PFKFB3: variants seen among roughly 807,000 people sequenced by gnomAD.
PFKFB3 encodes the protein 6-phosphofructo-2-kinase/fructose-2,6-bisphosphatase 3.
A neutral mutation model predicts 68.0 loss-of-function variants in PFKFB3; 33 were observed. The observed-to-expected ratio is 0.49, with a 90% CI of 0.37 to 0.65. PFKFB3 has a LOEUF of 0.65. Ranked by LOEUF, PFKFB3 falls within the 30% of genes least tolerant of loss-of-function variation. The probability of loss-of-function intolerance (pLI) is 0.00; values close to 1 mark genes in which losing one functional copy is unlikely to be tolerated. For missense variants in PFKFB3, 586 were observed against 712.2 expected, an observed-to-expected ratio of 0.82 and a Z score of 2.02; for synonymous variants, 315 against 288.2, an observed-to-expected ratio of 1.09 and a Z score of -0.94.
intron 14 of PFKFB3, among the ~76,000 whole-genome samples, 190 bp from the exon 15 acceptor site, chr10:6,232,705 G>A (rs942669187): frequency 7.5e-5 from 11 of 147,426 alleles, no homozygotes; most frequent in South Asian, 2.5e-4. Context: ...GTTATCTTGC[G>A]TCATGTTCTG....
At chr10:6,259,014 G>A (rs1377550469), downstream of PFKFB3, among the ~76,000 whole-genome samples, 3 of 152,102 alleles carry the variant, frequency 2.0e-5, no homozygotes, top group African/African-American at 7.2e-5. Context: ...ACACCCTTGG[G>A]GTTGCAAGAT....
intron 1 of PFKFB3, among the ~76,000 whole-genome samples, chr10:6,149,458 G>T (rs1432748365): frequency 1.3e-5 from 2 of 151,320 alleles, no homozygotes; most frequent in Non-Finnish European, 2.9e-5. Context: ...GTGGGGGTGG[G>T]CGCCTGTAAT....
rs561438062 is a variant in PFKFB3, at chr10:6,193,357, A to C, written c.17-20266A>C. On this transcript the variant is annotated intron_variant, in intron 1 of 14. Transcript: ENST00000379789. The stretch of plus-strand genomic sequence containing the variant: ...GCAACAGAGCCAGACCCTGTCTCAA[A>C]AAAACAAAACAAAACAAAACAAAAA... 2.4e-4 allele frequency among the ~76,000 whole-genome samples: 37 copies of C among 152,372 alleles called. No individual in the cohort carries two copies. The South Asian group carries it at 6.8e-3, about 28-fold the overall frequency.
At chr10:6,284,220 G>A in the PFKFB3 span, among the ~76,000 whole-genome samples, 1 of 152,208 alleles carries the variant, frequency 6.6e-6, no homozygotes, top group Non-Finnish European at 1.5e-5. Flanking sequence ...GTGCTGTTCA[G>A]TTCCACTGTG....
intron 1 of PFKFB3, among the ~76,000 whole-genome samples, chr10:6,167,058 G>A (rs1232678553): frequency 6.6e-6 from 1 of 152,152 alleles, no homozygotes; most frequent in Admixed American, 6.5e-5. Context: ...CATCTCAGGT[G>A]ATGGGCCCGC....
At chr10:6,182,427 A>G (rs1842740125) in intron 1 of PFKFB3, among the ~76,000 whole-genome samples, 1 of 152,156 alleles carries the variant, frequency 6.6e-6, no homozygotes, top group South Asian at 2.1e-4. Flanking sequence ...CTGGGAAGGA[A>G]GCGGTCCTGG....
At chr10:6,218,968 C>T (rs1844770718) in intron 6 of PFKFB3, among the ~76,000 whole-genome samples, 1 of 152,226 alleles carries the variant, frequency 6.6e-6, no homozygotes, top group African/African-American at 2.4e-5. Flanking sequence ...CTAAAATCCA[C>T]CTGGTTTCTG....
rs993394734 is a variant in PFKFB3, at chr10:6,229,044, C to A, written c.1515+2679C>A. On this transcript the variant is annotated intron_variant, in intron 14 of 14. Transcript: ENST00000379775. This position sits in a 1 kb window ranked among gnomAD's most constrained non-coding sequence, Gnocchi z 4.3. The stretch of plus-strand genomic sequence containing the variant: ...CATGAAGTGTCATCCCCTTGCCCCC[C>A]CAAAAACACACCCGCCCCTTTATTT... 8 of 490,268 alleles carry A rather than the reference C, an allele frequency of 1.6e-5. No homozygotes were observed. The highest frequency in any genetic ancestry group is 4.6e-5 in the South Asian group (3 of 65,924). The allele number at this position is 490,268 out of a possible 1,614,324, so 30.4% of individuals were successfully genotyped here.
Position 6,228,229 on chromosome 10 carries a change from C to T in PFKFB3, c.1515+1864C>T. The T allele has an allele frequency of 1.9e-6, 3 of 1,612,674 alleles. No individual in the cohort carries two copies. The highest frequency in any genetic ancestry group is 2.2e-5 in the South Asian group (2 of 91,084). The stretch of plus-strand genomic sequence containing the variant: ...AGGGCAAGCCTGTCTGTAAGTATCT[C>T]TCCGATCATCGCTGCTGCTTGCACT... On this transcript the variant is annotated intron_variant, in intron 14 of 14. Coordinates refer to ENST00000379775, the MANE Select transcript of PFKFB3 (RefSeq NM_004566.4). This position sits in a 1 kb window ranked among gnomAD's most constrained non-coding sequence, Gnocchi z 4.5.
intron 14 of PFKFB3, among the ~76,000 whole-genome samples, chr10:6,244,113 T>C (rs7912707): frequency 0.5 from 75,430 of 152,090 alleles, 19,305 homozygotes; most frequent in African/African-American, 0.57. Flanking sequence ...TTCCACAGCC[T>C]CTCCAGTGTT....
intron 1 of PFKFB3, among the ~76,000 whole-genome samples, chr10:6,179,223 G>A (rs981681495): frequency 3.9e-5 from 6 of 152,240 alleles, no homozygotes; most frequent in East Asian, 3.8e-4. Context: ...GTCACACAGC[G>A]TGTGAGTCGG....
downstream of PFKFB3, among the ~76,000 whole-genome samples, chr10:6,237,628 G>A (rs565141475): frequency 7.9e-5 from 12 of 152,296 alleles, no homozygotes; most frequent in East Asian, 1.5e-3. Context: ...GAGTGCAGAG[G>A]TGTGACAGCT....
At chr10:6,171,542 T>C (rs1347763251) in intron 1 of PFKFB3, among the ~76,000 whole-genome samples, 17 of 152,004 alleles carry the variant, frequency 1.1e-4, no homozygotes, top group Admixed American at 1.1e-3. Context: ...ACTATAGGCG[T>C]GTGCTGCCAC....
At chr10:6,175,437 TG>T (rs1351154886) in intron 1 of PFKFB3, among the ~76,000 whole-genome samples, 1 of 152,196 alleles carries the variant, frequency 6.6e-6, no homozygotes, top group East Asian at 1.9e-4. Context: ...CATCCGAGTG[TG>T]GGGACCACAG....
intron 1 of PFKFB3, among the ~76,000 whole-genome samples, chr10:6,158,702 C>T (rs974482932): frequency 1.3e-5 from 2 of 152,002 alleles, no homozygotes; most frequent in Non-Finnish European, 2.9e-5. Flanking sequence ...CCCATCTCTA[C>T]TAAAAATACA....
chr10:6,173,900 C>T (rs1472217342), intron 1 of PFKFB3, among the ~76,000 whole-genome samples: 1 of 151,972 alleles, frequency 6.6e-6, no homozygotes, highest in Non-Finnish European at 1.5e-5. Flanking sequence ...CAGCGGAATG[C>T]GCAGTGGACG....
At chr10:6,217,406 G>A (rs1368254027) in intron 6 of PFKFB3, among the ~76,000 whole-genome samples, 2 of 152,200 alleles carry the variant, frequency 1.3e-5, no homozygotes, top group African/African-American at 4.8e-5. Context: ...CCAGGGCAGT[G>A]GGCAGGCTTG....
the PFKFB3 span, among the ~76,000 whole-genome samples, chr10:6,267,954 C>CAAAAAAAAAA: frequency 3.5e-5 from 3 of 85,896 alleles, no homozygotes; most frequent in Non-Finnish European, 4.4e-5. Flanking sequence ...GACCCTATCT[C>CAAAAAAAAAA]AAAAAAAAAA....
At chr10:6,194,200 A>G (rs1843107027) in intron 1 of PFKFB3, among the ~76,000 whole-genome samples, 1 of 147,246 alleles carries the variant, frequency 6.8e-6, no homozygotes, top group Admixed American at 6.8e-5. Context: ...CACCTACCGC[A>G]GTCACTGTCT....
Sources: gnomAD v4.1 joint callset for allele counts (sites outside exome capture counted in the v4.1 genomes callset) on GRCh38, gnomAD v4.1.1 for gene constraint, Gnocchi (gnomAD v3.1) non-coding constraint, MANE v1.5 for transcripts, NCBI Gene and HGNC (gene_info 2026-07-23, HGNC 2026-07-21) for gene names.